Variants in HECW1 observed in about 807,000 individuals in gnomAD.
The protein encoded by HECW1 is HECT, C2 and WW domain containing E3 ubiquitin protein ligase 1.
Under a neutral mutation model 182.3 loss-of-function variants are expected in HECW1, and 61 were observed. That is an observed-to-expected ratio of 0.33 (90% CI 0.27 to 0.41). The LOEUF is 0.41. HECW1 is among the 10% of genes least tolerant of loss of function. HECW1 has a pLI of 1.00. For missense variants in HECW1, 1,739 were observed against 2,108.9 expected, an observed-to-expected ratio of 0.82 and a Z score of 3.44; for synonymous variants, 859 against 832.6, an observed-to-expected ratio of 1.03 and a Z score of -0.55.
chr7:43,427,019 A>C (rs567025345), intron 8 of HECW1, among the ~76,000 whole-genome samples: 4 of 152,108 alleles, frequency 2.6e-5, no homozygotes, highest in African/African-American at 9.6e-5. Context: ...TATAATCTAT[A>C]AATTATAAGT....
In HECW1 at chr7:43,312,102, C is replaced by T. The variant is rs779585921; in HGVS notation, c.352+15C>T. 3.8e-6 allele frequency: 6 copies of T among 1,597,216 alleles called. No individual in the cohort carries two copies. In the Admixed American group the frequency reaches 8.4e-5, roughly 22 times the overall value. On this transcript the variant is annotated intron_variant, in intron 4 of 29. Transcript: ENST00000395891. The stretch of plus-strand genomic sequence containing the variant: ...GTACCTCATTGGTGAGTAGAATGTG[C>T]CAAGTGTATTATTCATAATTCACTT...
At chr7:43,137,062 A>T (rs1787616934) in intron 2 of HECW1, among the ~76,000 whole-genome samples, 1 of 152,194 alleles carries the variant, frequency 6.6e-6, no homozygotes, top group African/African-American at 2.4e-5. Context: ...TTAAGCAGTG[A>T]GACACAGATG....
chr7:43,541,633 G>A (rs560890789), intron 25 of HECW1, among the ~76,000 whole-genome samples: 3 of 152,294 alleles, frequency 2.0e-5, no homozygotes, highest in South Asian at 2.1e-4. Flanking sequence ...CAGAGTCCCT[G>A]AGTCAATAGT....
At position 43,445,501 on chromosome 7, in the gene HECW1, A is replaced by C; in HGVS notation, c.2329A>C (p.Ser777Arg). 5.0e-6 allele frequency: 8 copies of C among 1,611,510 alleles called. No homozygotes were observed. Among genetic ancestry groups the C allele is most frequent in the Non-Finnish European group, 6.8e-6 (8 of 1,178,794 alleles). ...GPWQDELAAP[S>R]GHVERSPEGL... is the part of the protein sequence containing the mutation. ...GTGGCAAGACGAGCTGGCCGCCCCTAGCGGGCACGTGGAAAGAAGCCCGGA... is the reference window on the plus strand; with the variant it reads ...GTGGCAAGACGAGCTGGCCGCCCCTCGCGGGCACGTGGAAAGAAGCCCGGA... Residue 777 changes from serine to arginine, a missense_variant, in exon 11 of 30, where the codon AGC becomes CGC. By Grantham distance (110) the Ser-to-Arg change is moderately radical. Transcript: ENST00000395891.
chr7:43,506,980 G>T (rs2079603816), intron 21 of HECW1, among the ~76,000 whole-genome samples, 157 bp from the exon 22 acceptor site: 1 of 152,148 alleles, frequency 6.6e-6, no homozygotes, highest in Admixed American at 6.6e-5. Flanking sequence ...TGAAGTAGCA[G>T]AATCGCTTGA....
At chr7:43,287,325 A>G (rs963319454) in intron 3 of HECW1, among the ~76,000 whole-genome samples, 4 of 152,056 alleles carry the variant, frequency 2.6e-5, no homozygotes, top group African/African-American at 9.7e-5. Flanking sequence ...CTGGGGGTGC[A>G]CATTCCTGGC....
At chr7:43,411,728 T>G (rs11766157) in intron 8 of HECW1, among the ~76,000 whole-genome samples, 1 of 152,136 alleles carries the variant, frequency 6.6e-6, no homozygotes, top group Non-Finnish European at 1.5e-5. Flanking sequence ...TTCTTTATTT[T>G]TGGTAGTGCT....
At chr7:43,153,140 T>C (rs1162150599) in intron 2 of HECW1, among the ~76,000 whole-genome samples, 1 of 152,206 alleles carries the variant, frequency 6.6e-6, no homozygotes, top group Non-Finnish European at 1.5e-5. Flanking sequence ...GACTTCCTTT[T>C]TGGGGCACTA....
At chr7:43,135,760 A>C (rs776833737) in intron 2 of HECW1, among the ~76,000 whole-genome samples, 1 of 152,064 alleles carries the variant, frequency 6.6e-6, no homozygotes, top group Non-Finnish European at 1.5e-5. Flanking sequence ...TGTTTCTATT[A>C]CTTTTAATTT....
intron 2 of HECW1, among the ~76,000 whole-genome samples, chr7:43,180,981 A>T (rs1792802619): frequency 6.6e-6 from 1 of 151,542 alleles, no homozygotes; most frequent in Non-Finnish European, 1.5e-5. Context: ...ACATTGGCCG[A>T]CCTCTCCTCA....
chr7:43,529,003 G>A (rs976553246), intron 24 of HECW1, among the ~76,000 whole-genome samples: 5 of 152,092 alleles, frequency 3.3e-5, no homozygotes, highest in Non-Finnish European at 5.9e-5. Flanking sequence ...AACAGTATCT[G>A]AATAAAGGTG....
At chr7:43,450,760 T>C in intron 11 of HECW1, 68 bp from the exon 12 acceptor site, 1 of 987,668 alleles carries the variant, frequency 1.0e-6, no homozygotes, top group East Asian at 2.4e-5. Context: ...AGTTTTACAG[T>C]CATGCTTTTT....
intron 3 of HECW1, among the ~76,000 whole-genome samples, chr7:43,246,672 A>C (rs2152722276): frequency 6.6e-6 from 1 of 152,342 alleles, no homozygotes; most frequent in Non-Finnish European, 1.5e-5. Context: ...TGTCACCCAA[A>C]GATGGCTTTC....
chr7:43,534,718 A>G (rs541861311), intron 24 of HECW1, among the ~76,000 whole-genome samples: 1 of 152,356 alleles, frequency 6.6e-6, no homozygotes, highest in South Asian at 2.1e-4. Flanking sequence ...CCATTCAACA[A>G]ATCTTAATTG....
intron 17 of HECW1, among the ~76,000 whole-genome samples, chr7:43,485,434 T>C (rs1030963902): frequency 6.6e-6 from 1 of 152,238 alleles, no homozygotes; most frequent in Non-Finnish European, 1.5e-5. Context: ...ATTACAGTCA[T>C]ACATCACTTA....
intron 5 of HECW1, among the ~76,000 whole-genome samples, chr7:43,338,823 TA>T (rs529051887): frequency 0.022 from 3,039 of 137,766 alleles, 62 homozygotes; most frequent in African/African-American, 0.058. Flanking sequence ...CATTTTCCTC[TA>T]AAAAAAAAAA....
chr7:43,340,486 G>T (rs1812830366), intron 5 of HECW1, among the ~76,000 whole-genome samples: 1 of 151,306 alleles, frequency 6.6e-6, no homozygotes, highest in Non-Finnish European at 1.5e-5. Context: ...CTTCCAAAGT[G>T]CTGGGATTAC....
At chr7:43,202,359 T>C (rs1354997544) in intron 2 of HECW1, among the ~76,000 whole-genome samples, 2 of 152,214 alleles carry the variant, frequency 1.3e-5, no homozygotes, top group African/African-American at 4.8e-5. Context: ...ATGACATCAA[T>C]AATGACAATA....
chr7:43,552,467 T>C (rs536329842), intron 28 of HECW1, 131 bp downstream of exon 28: 187 of 667,420 alleles, frequency 2.8e-4, no homozygotes, highest in Admixed American at 1.4e-3. Flanking sequence ...TGGCATTTAG[T>C]ACATTCACAG....
Sources: allele counts gnomAD v4.1 joint callset (sites outside exome capture counted in the v4.1 genomes callset), GRCh38; gene constraint gnomAD v4.1.1; transcripts MANE v1.5; gene names NCBI Gene and HGNC (gene_info 2026-07-23, HGNC 2026-07-21).